The following IGF1R variants were observed in gnomAD, a reference collection of about 807,000 sequenced individuals.
IGF1R encodes the protein insulin-like growth factor 1 receptor.
Under a neutral mutation model 144.6 loss-of-function variants are expected in IGF1R, and 44 were observed. That is an observed-to-expected ratio of 0.30 (90% CI 0.24 to 0.39). IGF1R has a LOEUF of 0.39. Among genes scored for constraint, IGF1R ranks in the 10% least tolerant of loss-of-function variants. The pLI is 1.00. For missense variants in IGF1R, 1,355 were observed against 1,833.7 expected, an observed-to-expected ratio of 0.74 and a Z score of 4.77; for synonymous variants, 795 against 722.8, an observed-to-expected ratio of 1.10 and a Z score of -1.60.
At chr15:98,670,003 G>A (rs1460409075) in intron 1 of IGF1R, among the ~76,000 whole-genome samples, 1 of 152,196 alleles carries the variant, frequency 6.6e-6, no homozygotes, top group African/African-American at 2.4e-5. Flanking sequence ...GGGCCCCAGG[G>A]ATGCTGAGCT....
chr15:98,888,962 C>G (rs2013777257), intron 2 of IGF1R, among the ~76,000 whole-genome samples: 1 of 152,210 alleles, frequency 6.6e-6, no homozygotes, highest in South Asian at 2.1e-4. Context: ...AGCATTACTA[C>G]TGCATTCCAG....
rs1284724663 is a variant in IGF1R, at chr15:98,934,746, T to C, written c.2957-78T>C. Reference sequence around the variant, plus strand: ...TAAGGAAGCAGCATCTTATATTCTTTGGCTTAGAGTTCCCCCAAAGCACGT... The same window carrying C: ...TAAGGAAGCAGCATCTTATATTCTTCGGCTTAGAGTTCCCCCAAAGCACGT... On this transcript the variant is annotated intron_variant, in intron 15 of 20. Transcript: ENST00000650285. 2.9e-5 allele frequency: 34 copies of C among 1,188,080 alleles called. No homozygotes were observed. In the East Asian group the frequency reaches 7.7e-4, roughly 27 times the overall value. The allele number at this position is 1,188,080 out of a possible 1,614,324, so 73.6% of individuals were successfully genotyped here. A position where few individuals can be genotyped will look rare whatever the true frequency, so the allele number is the denominator to read the frequency against.
At chr15:98,828,639 T>G (rs543800308) in intron 2 of IGF1R, among the ~76,000 whole-genome samples, 13 of 152,164 alleles carry the variant, frequency 8.5e-5, no homozygotes, top group Non-Finnish European at 1.8e-4. Context: ...ACAGGGTGTC[T>G]GCACCCCAAC....
At chr15:98,766,265 G>A (rs927155634) in intron 2 of IGF1R, among the ~76,000 whole-genome samples, 2 of 152,150 alleles carry the variant, frequency 1.3e-5, no homozygotes, top group African/African-American at 2.4e-5. Flanking sequence ...TTATCCAAGC[G>A]ATGAATATAA....
intron 2 of IGF1R, among the ~76,000 whole-genome samples, chr15:98,819,290 T>TA (rs1326308466): frequency 6.6e-6 from 1 of 152,114 alleles, no homozygotes; most frequent in Non-Finnish European, 1.5e-5. Context: ...TTCACACTGT[T>TA]AAAAATGGAA....
At chr15:98,855,394 C>A (rs1361404241) in intron 2 of IGF1R, among the ~76,000 whole-genome samples, 1 of 152,178 alleles carries the variant, frequency 6.6e-6, no homozygotes, top group Non-Finnish European at 1.5e-5. Context: ...CTGTGCCTGG[C>A]CCTGAATTCG....
chr15:98,852,973 T>C (rs1329352908), intron 2 of IGF1R, among the ~76,000 whole-genome samples: 1 of 152,232 alleles, frequency 6.6e-6, no homozygotes, highest in Non-Finnish European at 1.5e-5. Flanking sequence ...TATCAACATG[T>C]ACCATTTTCT....
Position 98,648,981 on chromosome 15 carries a change from T to TCGC in IGF1R, c.-597_-595dup. 4.8e-6 allele frequency: 1 copy of TCGC among 208,962 alleles called. No homozygotes were observed. The allele number at this position is 208,962 out of a possible 1,614,324, so 12.9% of individuals were successfully genotyped here. ...GTGTGTCCTGGATTTGGGAAGGAGC[T>TCGC]CGCCGCGGCGGCGGCGGCGCTGAGG... On this transcript the variant is annotated 5_prime_UTR_variant, in exon 1 of 21. Coordinates refer to ENST00000650285, the MANE Select transcript of IGF1R (RefSeq NM_000875.5).
chr15:98,709,815 T>C (rs550232164), intron 2 of IGF1R, among the ~76,000 whole-genome samples: 1 of 152,260 alleles, frequency 6.6e-6, no homozygotes, highest in Non-Finnish European at 1.5e-5. Context: ...ATAAGCTCTT[T>C]AGAGAAGGGA....
chr15:98,772,812 G>A (rs1040429317), intron 2 of IGF1R, among the ~76,000 whole-genome samples: 18 of 151,774 alleles, frequency 1.2e-4, no homozygotes, highest in African/African-American at 4.4e-4. Flanking sequence ...TTTTTCCAGG[G>A]CAGACAAATA....
intron 2 of IGF1R, among the ~76,000 whole-genome samples, chr15:98,737,606 G>T (rs2054640979): frequency 6.6e-6 from 1 of 152,178 alleles, no homozygotes; most frequent in East Asian, 1.9e-4. Context: ...ATTTAAAAAA[G>T]ACTTCGAAAA....
intron 2 of IGF1R, among the ~76,000 whole-genome samples, chr15:98,834,491 T>G (rs2057058572): frequency 6.6e-6 from 1 of 152,242 alleles, no homozygotes. Context: ...TTCTGTTTTA[T>G]TTTGCCTTAT....
chr15:98,667,549 T>A (rs144734008), intron 1 of IGF1R, among the ~76,000 whole-genome samples: 2 of 152,340 alleles, frequency 1.3e-5, no homozygotes, highest in Non-Finnish European at 2.9e-5. Context: ...TCCGCCTGTC[T>A]GCCTCTCCAG....
intron 5 of IGF1R, 36 bp from the exon 6 acceptor site, chr15:98,908,649 G>A: frequency 6.4e-7 from 1 of 1,564,260 alleles, no homozygotes; most frequent in Non-Finnish European, 8.8e-7. Flanking sequence ...CTGTGGCCAA[G>A]GGCAGGTGCG....
intron 2 of IGF1R, among the ~76,000 whole-genome samples, chr15:98,763,804 C>T (rs1244723553): frequency 1.3e-5 from 2 of 152,150 alleles, no homozygotes; most frequent in Non-Finnish European, 2.9e-5. Context: ...AGTGGGTTGT[C>T]CAGGTGTGCT....
intron 1 of IGF1R, among the ~76,000 whole-genome samples, chr15:98,686,303 T>A (rs1467751515): frequency 6.6e-6 from 1 of 152,266 alleles, no homozygotes; most frequent in Non-Finnish European, 1.5e-5. Flanking sequence ...GTGGTATATA[T>A]GCTTATCCAT....
chr15:98,714,918 T>G (rs916067140), intron 2 of IGF1R, among the ~76,000 whole-genome samples: 2 of 152,178 alleles, frequency 1.3e-5, no homozygotes, highest in African/African-American at 4.8e-5. Context: ...CCCAGACTGC[T>G]AAGACGATCA....
intron 1 of IGF1R, among the ~76,000 whole-genome samples, chr15:98,664,240 CA>C (rs2052671328): frequency 6.6e-6 from 1 of 152,188 alleles, no homozygotes; most frequent in Non-Finnish European, 1.5e-5. Context: ...CTTTTCCCCC[CA>C]GTCTTGTTTC....
chr15:98,842,565 T>G (rs2011193578), intron 2 of IGF1R, among the ~76,000 whole-genome samples: 1 of 152,164 alleles, frequency 6.6e-6, no homozygotes, highest in Non-Finnish European at 1.5e-5. Context: ...ATTTTTGAGG[T>G]TTTTCTCTTT....
Sources: allele counts gnomAD v4.1 joint callset (sites outside exome capture counted in the v4.1 genomes callset), GRCh38; gene constraint gnomAD v4.1.1; transcripts MANE v1.5; gene names NCBI Gene and HGNC (gene_info 2026-07-23, HGNC 2026-07-21).